VWC2: variants seen among roughly 807,000 people sequenced by gnomAD.
VWC2 encodes brorin.
In VWC2, 14 loss-of-function variants were observed where a neutral mutation model predicts 29.8. The ratio of observed to expected loss-of-function variants is 0.47; its 90% CI spans 0.31 to 0.74. The LOEUF is 0.74. VWC2 is among the 30% of genes least tolerant of loss of function. The pLI is 0.05. For synonymous variants in VWC2, 213 were observed against 199.0 expected, an observed-to-expected ratio of 1.07 and a Z score of -0.59; for missense variants, 457 against 459.8, an observed-to-expected ratio of 0.99 and a Z score of 0.05.
At chr7:49,798,927 G>A (rs992431512) in intron 2 of VWC2, among the ~76,000 whole-genome samples, 22 of 152,196 alleles carry the variant, frequency 1.4e-4, no homozygotes, top group Non-Finnish European at 2.5e-4. Context: ...AGATGGCTCT[G>A]CAGAGGAGGC....
rs761827050 is a variant in VWC2, at chr7:49,810,918, T to C, written c.826+8078T>C. 7.0e-4 allele frequency among the ~76,000 whole-genome samples: 107 copies of C among 152,294 alleles called. 1 individual carries two copies. Among genetic ancestry groups the C allele is most frequent in the Admixed American group, 1.7e-3 (26 of 15,292 alleles). On this transcript the variant is annotated intron_variant, in intron 3 of 3. Transcript: ENST00000340652. ...GTGTTTAAACTATGTAACTTTTAGA[T>C]TAAAAAGATAGGAGAACATCTTTAT... is the stretch of plus-strand genomic sequence containing the variant.
At chr7:49,820,757 C>T (rs920633051) in intron 3 of VWC2, among the ~76,000 whole-genome samples, 3 of 152,212 alleles carry the variant, frequency 2.0e-5, no homozygotes, top group Admixed American at 6.5e-5. Context: ...CAATGCCTTG[C>T]GATCCCTGAT....
chr7:49,852,245 G>A (rs796950418), intron 3 of VWC2, among the ~76,000 whole-genome samples: 9 of 152,314 alleles, frequency 5.9e-5, no homozygotes, highest in African/African-American at 1.9e-4. Context: ...TCCTTTTCCA[G>A]GTGAGTGACC....
In VWC2 at chr7:49,913,191, C is replaced by A. The variant is rs1248085320; in HGVS notation, c.*1006C>A. 6.6e-6 allele frequency: 1 copy of A among 152,120 alleles called. No homozygotes were observed. The highest frequency in any genetic ancestry group is 1.5e-5 in the Non-Finnish European group (1 of 68,036). The allele number at this position is 152,120 out of a possible 1,614,324, so 9.4% of individuals were successfully genotyped here. A position where few individuals can be genotyped will look rare whatever the true frequency, so the allele number is the denominator to read the frequency against. On this transcript the variant is annotated 3_prime_UTR_variant, in exon 4 of 4. Transcript: ENST00000340652. ...TACACAGTAAAATCTTGACTGATAACCTTGAATTAGCCACCCTTCACAAGC... is the reference window on the plus strand; with the variant it reads ...TACACAGTAAAATCTTGACTGATAAACTTGAATTAGCCACCCTTCACAAGC...
intron 3 of VWC2, among the ~76,000 whole-genome samples, chr7:49,803,690 C>G (rs1788801754): frequency 6.6e-6 from 1 of 152,130 alleles, no homozygotes; most frequent in African/African-American, 2.4e-5. Flanking sequence ...ATGTGGGTTG[C>G]TGGACCGAGG....
chr7:49,847,840 G>A (rs191813965), intron 3 of VWC2, among the ~76,000 whole-genome samples: 14 of 152,232 alleles, frequency 9.2e-5, no homozygotes, highest in East Asian at 3.9e-4. Flanking sequence ...GTGAAAGCCC[G>A]CAGAGGAGGT....
intron 3 of VWC2, among the ~76,000 whole-genome samples, chr7:49,808,108 T>G (rs1788918685): frequency 6.6e-6 from 1 of 151,682 alleles, no homozygotes; most frequent in African/African-American, 2.4e-5. Context: ...AGAGAAAAAA[T>G]AAAAAAATAG....
At position 49,829,792 on chromosome 7, in the gene VWC2, C is replaced by T. The variant is rs536803795; in HGVS notation, c.826+26952C>T. Among the ~76,000 whole-genome samples the T allele has an allele frequency of 5.3e-5, 8 of 152,298 alleles. No individual in the cohort carries two copies. In the South Asian group the frequency reaches 1.7e-3, roughly 32 times the overall value. ...TCTTCAGCTCTCTAATGAGTAAATA[C>T]ATTAAACAAACAACAATTACAACAA... is the stretch of plus-strand genomic sequence containing the variant. On this transcript the variant is annotated intron_variant, in intron 3 of 3. Coordinates refer to ENST00000340652, the MANE Select transcript of VWC2 (RefSeq NM_198570.5).
chr7:49,844,077 G>T (rs1275773718), intron 3 of VWC2, among the ~76,000 whole-genome samples: 1 of 152,194 alleles, frequency 6.6e-6, no homozygotes. Context: ...ACTGAGGGCA[G>T]GTTTTGCTGC....
chr7:49,866,019 C>CT lies in VWC2; in HGVS notation c.827-46008dup, dbSNP rs200004178. Among the ~76,000 whole-genome samples the CT allele has an allele frequency of 4.1e-3, 618 of 152,208 alleles. 2 individuals carry two copies. The highest frequency in any genetic ancestry group is 0.014 in the African/African-American group (586 of 41,542). ...CCATACCTTGCTTTTATCATTTTTT[C>CT]TTTTTTTAAATTTTCTTCCTTCCTT... On this transcript the variant is annotated intron_variant, in intron 3 of 3. Transcript: ENST00000340652.
At chr7:49,873,171 G>T (rs1791246771) in intron 3 of VWC2, among the ~76,000 whole-genome samples, 1 of 152,070 alleles carries the variant, frequency 6.6e-6, no homozygotes, top group Admixed American at 6.6e-5. Context: ...AATTTGTCTT[G>T]GTCTGTTCGG....
chr7:49,868,839 G>C (rs1231747401), intron 3 of VWC2, among the ~76,000 whole-genome samples: 2 of 152,020 alleles, frequency 1.3e-5, no homozygotes, highest in African/African-American at 4.8e-5. Context: ...GGCTGGTCTT[G>C]AACTCCTAAC....
intron 3 of VWC2, among the ~76,000 whole-genome samples, chr7:49,906,344 T>C (rs914889241): frequency 1.3e-5 from 2 of 151,208 alleles, no homozygotes; most frequent in African/African-American, 4.9e-5. Flanking sequence ...AAATTTTCTC[T>C]TTTTTTTTGA....
intron 3 of VWC2, among the ~76,000 whole-genome samples, chr7:49,822,195 T>TA (rs925003499): frequency 1.5e-4 from 22 of 149,284 alleles, no homozygotes; most frequent in Middle Eastern, 3.4e-3. Flanking sequence ...TTCAACGAAG[T>TA]AAAAAAAAAA....
At chr7:49,824,480 G>A (rs746607379) in intron 3 of VWC2, among the ~76,000 whole-genome samples, 1 of 152,040 alleles carries the variant, frequency 6.6e-6, no homozygotes, top group Non-Finnish European at 1.5e-5. Context: ...TAGAATTATT[G>A]TAAACCTTGA....
chr7:49,780,982 A>C (rs1169758284), intron 2 of VWC2, among the ~76,000 whole-genome samples: 1 of 152,254 alleles, frequency 6.6e-6, no homozygotes, highest in Admixed American at 6.5e-5. Context: ...ATTATGAGAA[A>C]GTGCCAGCAA....
At chr7:49,789,177 ATG>A (rs996058862) in intron 2 of VWC2, among the ~76,000 whole-genome samples, 6 of 118,096 alleles carry the variant, frequency 5.1e-5, no homozygotes, top group Admixed American at 1.7e-4. Flanking sequence ...GTGTGTTAGC[ATG>A]TGTGTGGGTG....
At chr7:49,800,674 C>A (rs1788716934) in intron 2 of VWC2, among the ~76,000 whole-genome samples, 1 of 152,022 alleles carries the variant, frequency 6.6e-6, no homozygotes, top group Admixed American at 6.6e-5. Flanking sequence ...ATGTCTCTTG[C>A]AACTCAAGGT....
intron 3 of VWC2, among the ~76,000 whole-genome samples, chr7:49,854,267 T>C (rs769922): frequency 0.76 from 116,201 of 152,060 alleles, 44,625 homozygotes; most frequent in East Asian, 0.88. Flanking sequence ...ATTTCTAGTT[T>C]GAGATCCTTG....
Sources: allele counts gnomAD v4.1 joint callset (sites outside exome capture counted in the v4.1 genomes callset), GRCh38; gene constraint gnomAD v4.1.1; transcripts MANE v1.5; gene names NCBI Gene and HGNC (gene_info 2026-07-23, HGNC 2026-07-21).